The following PRMT1 variants were observed in gnomAD, a reference collection of about 807,000 sequenced individuals.
PRMT1 encodes the protein protein arginine N-methyltransferase 1.
A neutral mutation model predicts 47.4 loss-of-function variants in PRMT1; 5 were observed. The ratio of observed to expected loss-of-function variants is 0.11; its 90% CI spans 0.06 to 0.22. The LOEUF (loss-of-function observed/expected upper bound fraction) is 0.22, where lower values mean the gene tolerates loss of function less well. PRMT1 is among the 10% of genes least tolerant of loss of function. PRMT1 has a pLI of 1.00. For synonymous variants in PRMT1, 227 were observed against 204.6 expected, an observed-to-expected ratio of 1.11 and a Z score of -0.94; for missense variants, 249 against 518.4, an observed-to-expected ratio of 0.48 and a Z score of 5.05.
intron 1 of PRMT1, among the ~76,000 whole-genome samples, chr19:49,679,117 C>T (rs2082078639): frequency 6.6e-6 from 1 of 152,094 alleles, no homozygotes; most frequent in Non-Finnish European, 1.5e-5. Context: ...CTCCTGACCT[C>T]AGGTGACCCA....
In PRMT1 at chr19:49,688,402, T is replaced by TA. The variant is rs2082244309; in HGVS notation, c.*158dup. ...CATCGTGACTGTGTTTTTCATAACT[T>TA]ATGTTTTTATATGGTTGCATTTACG... On this transcript the variant is annotated 3_prime_UTR_variant, in exon 11 of 11. Transcript: ENST00000454376. The surrounding 1 kb of genome is among the most constrained non-coding windows in gnomAD (Gnocchi z 5.3). The TA allele has an allele frequency of 1.5e-6, 1 of 657,696 alleles. No individual in the cohort carries two copies. Among genetic ancestry groups the TA allele is most frequent in the Non-Finnish European group, 2.6e-6 (1 of 378,270 alleles). The allele number at this position is 657,696 out of a possible 1,614,324, so 40.7% of individuals were successfully genotyped here.
At position 49,688,285 on chromosome 19, in the gene PRMT1, C is replaced by T. The variant is rs370187140; in HGVS notation, c.*40C>T. ...GCCCTGCACGAGCCCAGGGGCTGAG[C>T]GTTCCTAGGCGGTTTCGGGGCTCCC... is the stretch of plus-strand genomic sequence containing the variant. On this transcript the variant is annotated 3_prime_UTR_variant, in exon 11 of 11. Coordinates refer to ENST00000454376, the MANE Select transcript of PRMT1 (RefSeq NM_001536.6). The surrounding 1 kb of genome is among the most constrained non-coding windows in gnomAD (Gnocchi z 5.3). 1.6e-5 allele frequency: 25 copies of T among 1,596,460 alleles called. No individual in the cohort carries two copies. The highest frequency in any genetic ancestry group is 6.7e-5 in the African/African-American group (5 of 74,606).
intron 10 of PRMT1, among the ~76,000 whole-genome samples, 192 bp downstream of exon 10, chr19:49,686,918 C>T (rs74633762): frequency 0.033 from 4,949 of 152,172 alleles, 115 homozygotes; most frequent in South Asian, 0.058. Flanking sequence ...AGCCCCATGC[C>T]TGTCTACACA....
In PRMT1 at chr19:49,677,430, G is replaced by T; in HGVS notation, c.36+114G>T. ...GATATGGGGTTGGAGGTCCCCCGCC[G>T]CACACGGGGGCGCCGCACGTTCCAC... On this transcript the variant is annotated intron_variant, in intron 1 of 10. Coordinates refer to ENST00000454376, the MANE Select transcript of PRMT1 (RefSeq NM_001536.6). 3 of 862,928 alleles carry T rather than the reference G, an allele frequency of 3.5e-6. No homozygotes were observed. The South Asian group carries it at 1.0e-4, about 29-fold the overall frequency. The allele number at this position is 862,928 out of a possible 1,614,324, so 53.5% of individuals were successfully genotyped here. A position where few individuals can be genotyped will look rare whatever the true frequency, so the allele number is the denominator to read the frequency against.
At chr19:49,677,417 G>A (rs1357935039) in intron 1 of PRMT1, 101 bp downstream of exon 1, 1 of 1,065,158 alleles carries the variant, frequency 9.4e-7, no homozygotes. Context: ...TATGGGGTTG[G>A]AGGTCCCCCG....
chr19:49,677,376 C>T (rs992783067), intron 1 of PRMT1, 60 bp downstream of exon 1: 4 of 1,333,418 alleles, frequency 3.0e-6, no homozygotes, highest in Non-Finnish European at 3.9e-6. Flanking sequence ...TTTCACGCCT[C>T]TGTGGTGGGG....
chr19:49,687,839 G>T, intron 10 of PRMT1: 1 of 422,438 alleles, frequency 2.4e-6, no homozygotes, highest in Non-Finnish European at 4.4e-6. Flanking sequence ...AGGAGGAAGT[G>T]GGCTTGGGAG....
intron 10 of PRMT1, chr19:49,687,768 G>A (rs535606756): frequency 7.4e-5 from 21 of 284,550 alleles, no homozygotes; most frequent in African/African-American, 4.3e-4. Flanking sequence ...AGGGTATGGG[G>A]GGAGGAGAGG....
intron 1 of PRMT1, 27 bp downstream of exon 1, chr19:49,677,343 C>T (rs767403599): frequency 7.3e-7 from 1 of 1,378,378 alleles, no homozygotes; most frequent in South Asian, 1.8e-5. Context: ...CCGCCGTGGG[C>T]GGGAGGCGGC....
chr19:49,677,440 G>T, intron 1 of PRMT1, 124 bp downstream of exon 1: 2 of 798,400 alleles, frequency 2.5e-6, no homozygotes, highest in East Asian at 6.3e-5. Context: ...GCACACGGGG[G>T]CGCCGCACGT....
chr19:49,684,872 G>T lies in PRMT1; in HGVS notation c.643+31G>T, dbSNP rs1317826229. The T allele has an allele frequency of 1.2e-6, 2 of 1,610,730 alleles. No homozygotes were observed. Among genetic ancestry groups the T allele is most frequent in the African/African-American group, 1.3e-5 (1 of 74,980 alleles). ...CGCGGCCCGGGAGCTGGCGGGCGGG[G>T]CCTCGGGTGGGCTGCTGCGGGCTCA... is the stretch of plus-strand genomic sequence containing the variant. On this transcript the variant is annotated intron_variant, in intron 7 of 10. Coordinates refer to ENST00000454376, the MANE Select transcript of PRMT1 (RefSeq NM_001536.6). This position sits in a 1 kb window ranked among gnomAD's most constrained non-coding sequence, Gnocchi z 6.2.
upstream of PRMT1, among the ~76,000 whole-genome samples, chr19:49,676,900 G>A (rs2082043661): frequency 6.6e-6 from 1 of 152,210 alleles, no homozygotes; most frequent in Admixed American, 6.5e-5. Context: ...ATGGACAGGT[G>A]TTTCAAGACG....
upstream of PRMT1, chr19:49,677,215 G>A: frequency 7.3e-7 from 1 of 1,375,006 alleles, no homozygotes; most frequent in Non-Finnish European, 9.5e-7. Context: ...GGTATAAGGC[G>A]GTCCCGGGGG....
In PRMT1 at chr19:49,680,119, T is replaced by G; in HGVS notation, c.90+194T>G. On this transcript the variant is annotated intron_variant, in intron 2 of 10. Transcript: ENST00000454376. The surrounding 1 kb of genome is among the most constrained non-coding windows in gnomAD (Gnocchi z 4.2). ...TGGCCTCCCCCAGTATCGCCGCTAC[T>G]TCCTTAACTCCACCTCCAACCCCCC... The G allele has an allele frequency of 1.7e-6, 2 of 1,175,730 alleles. No homozygotes were observed. The highest frequency in any genetic ancestry group is 2.5e-6 in the Non-Finnish European group (2 of 808,948). 72.8% of individuals were successfully genotyped at this position (1,175,730 alleles called of 1,614,324 possible).
Position 49,686,602 on chromosome 19 carries a change from C to T in PRMT1, c.911-3C>T. On this transcript the variant is annotated splice_region_variant and splice_polypyrimidine_tract_variant and intron_variant, in intron 9 of 10. Coordinates refer to ENST00000454376, the MANE Select transcript of PRMT1 (RefSeq NM_001536.6). ...AGGCCGGCTGACCCGCCCGCGCCCC[C>T]AGGCCCCGAGTCCCCGTACACGCAC... The T allele has an allele frequency of 1.9e-6, 3 of 1,610,312 alleles. No individual in the cohort carries two copies. Among genetic ancestry groups the T allele is most frequent in the Non-Finnish European group, 2.5e-6 (3 of 1,179,050 alleles).
In PRMT1 at chr19:49,685,931, C is replaced by A; in HGVS notation, c.760-162C>A. The A allele has an allele frequency of 7.0e-7, 1 of 1,438,264 alleles. No individual in the cohort carries two copies. Among genetic ancestry groups the A allele is most frequent in the Non-Finnish European group, 9.1e-7 (1 of 1,101,834 alleles). 89.1% of individuals were successfully genotyped at this position (1,438,264 alleles called of 1,614,324 possible). A position where few individuals can be genotyped will look rare whatever the true frequency, so the allele number is the denominator to read the frequency against. On this transcript the variant is annotated intron_variant, in intron 8 of 10. Coordinates refer to ENST00000454376, the MANE Select transcript of PRMT1 (RefSeq NM_001536.6). This position sits in a 1 kb window ranked among gnomAD's most constrained non-coding sequence, Gnocchi z 4.7. ...CATGGTTTATTGGGAGCCGGATAGG[C>A]AGGATGCAGAGTGAAGGAGGAGCCG...
chr19:49,684,854 C>A lies in PRMT1; in HGVS notation c.643+13C>A. ...TACAAGATCCACTGTGAGCGCGGCC[C>A]GGGAGCTGGCGGGCGGGGCCTCGGG... On this transcript the variant is annotated intron_variant, in intron 7 of 10. Coordinates refer to ENST00000454376, the MANE Select transcript of PRMT1 (RefSeq NM_001536.6). This position sits in a 1 kb window ranked among gnomAD's most constrained non-coding sequence, Gnocchi z 6.2. The A allele has an allele frequency of 6.2e-7, 1 of 1,611,802 alleles. No homozygotes were observed. Among genetic ancestry groups the A allele is most frequent in the Non-Finnish European group, 8.5e-7 (1 of 1,178,632 alleles).
intron 10 of PRMT1, among the ~76,000 whole-genome samples, chr19:49,687,547 A>C (rs1196288822): frequency 7.5e-6 from 1 of 133,496 alleles, no homozygotes; most frequent in Non-Finnish European, 1.6e-5. Flanking sequence ...CCGTCTGTGG[A>C]AACATTTGTG....
Position 49,677,310 on chromosome 19 carries a change from C to G in PRMT1, c.30C>G (p.Ile10Met). The G allele has an allele frequency of 7.1e-7, 1 of 1,402,152 alleles. No individual in the cohort carries two copies. Among genetic ancestry groups the G allele is most frequent in the Admixed American group, 2.9e-5 (1 of 34,404 alleles). The allele number at this position is 1,402,152 out of a possible 1,614,324, so 86.9% of individuals were successfully genotyped here. The part of the protein sequence containing the change: MAAAEAANC[I>M]MENFVATLAN... The stretch of plus-strand genomic sequence containing the variant: ...CGGCAGCCGAGGCCGCGAACTGCAT[C>G]ATGGAGGTGAGCGCTTGGAGCGCCG... The change falls in exon 1 of 11, where the codon ATC becomes ATG. Residue 10 changes from isoleucine (I) to methionine (M), a missense_variant. Physicochemically the swap from Ile to Met is conservative, Grantham distance 10 (BLOSUM62 1). Around this residue, in one of 2 missense-constraint regions of PRMT1, gnomAD observed 59 missense variants for 61.7 expected, o/e 0.96. Coordinates refer to ENST00000454376, the MANE Select transcript of PRMT1 (RefSeq NM_001536.6).
Sources: gnomAD v4.1 joint callset for allele counts (sites outside exome capture counted in the v4.1 genomes callset) on GRCh38, gnomAD v4.1.1 for gene constraint, gnomAD v4.1.1 regional missense constraint, Gnocchi (gnomAD v3.1) non-coding constraint, MANE v1.5 for transcripts, NCBI Gene and HGNC (gene_info 2026-07-23, HGNC 2026-07-21) for gene names.